ARHGAP39: variants seen among roughly 807,000 people sequenced by gnomAD.
ARHGAP39 encodes the protein rho GTPase-activating protein 39.
ARHGAP39 carries 44 observed loss-of-function variants against 106.9 expected under a neutral mutation model. The observed-to-expected ratio is 0.41, with a 90% CI of 0.32 to 0.53. The LOEUF is 0.53. ARHGAP39 is among the 20% of genes least tolerant of loss of function. ARHGAP39 has a pLI of 0.21. For synonymous variants in ARHGAP39, 768 were observed against 693.2 expected (o/e 1.11, Z -1.69); for missense variants, 1,496 against 1,577.3 (o/e 0.95, Z 0.87).
rs1360765520 is a variant in ARHGAP39, at chr8:144,645,257, G to A, written c.-81-39562C>T. On this transcript the variant is annotated intron_variant, in intron 1 of 11. Transcript: ENST00000377307. This position sits in a 1 kb window ranked among gnomAD's most constrained non-coding sequence, Gnocchi z 4.4. ...CGTGAAACTCAGGCTGGAAGCTCTG[G>A]GACACTACATGAACTGAAGGCACGA... 1.3e-5 allele frequency among the ~76,000 whole-genome samples: 2 copies of A among 152,340 alleles called. No homozygotes were observed. The highest frequency in any genetic ancestry group is 2.1e-4 in the South Asian group (1 of 4,830).
chr8:144,535,236 C>T (rs1242876328), intron 7 of ARHGAP39, among the ~76,000 whole-genome samples: 1 of 152,218 alleles, frequency 6.6e-6, no homozygotes, highest in Non-Finnish European at 1.5e-5. Flanking sequence ...AAAAAAAGTG[C>T]ACACGTGTCT....
intron 2 of ARHGAP39, among the ~76,000 whole-genome samples, chr8:144,598,287 G>A (rs1028009370): frequency 7.9e-5 from 12 of 152,184 alleles, no homozygotes; most frequent in African/African-American, 2.4e-4. Context: ...GGGGAAACTC[G>A]GAACCCAGCC....
chr8:144,619,436 GAGAC>G (rs1820726804), intron 1 of ARHGAP39, among the ~76,000 whole-genome samples: 1 of 152,054 alleles, frequency 6.6e-6, no homozygotes, highest in African/African-American at 2.4e-5. Flanking sequence ...GTGTGTCCCT[GAGAC>G]AGCAGGTATG....
At chr8:144,559,245 G>C (rs573298743) in intron 3 of ARHGAP39, among the ~76,000 whole-genome samples, 13 of 150,698 alleles carry the variant, frequency 8.6e-5, no homozygotes, top group African/African-American at 2.9e-4. Flanking sequence ...AGCCGGAAGG[G>C]TGACACATGC....
intron 1 of ARHGAP39, among the ~76,000 whole-genome samples, chr8:144,675,226 C>T (rs548168731): frequency 1.3e-4 from 20 of 152,318 alleles, no homozygotes; most frequent in African/African-American, 4.3e-4. Flanking sequence ...ATGTCTCCAG[C>T]TTCTTTCACT....
At position 144,671,879 on chromosome 8, in the gene ARHGAP39, G is replaced by A. The variant is rs1822109864; in HGVS notation, c.-82+13807C>T. Among the ~76,000 whole-genome samples the A allele has an allele frequency of 6.6e-6, 1 of 152,234 alleles. No homozygotes were observed. The highest frequency in any genetic ancestry group is 2.1e-4 in the South Asian group (1 of 4,828). On this transcript the variant is annotated intron_variant, in intron 1 of 11. Coordinates refer to ENST00000377307, the MANE Select transcript of ARHGAP39 (RefSeq NM_025251.3). The surrounding 1 kb of genome is among the most constrained non-coding windows in gnomAD (Gnocchi z 4.5). The stretch of plus-strand genomic sequence containing the variant: ...GCACATACAGGCAACAGTAAAGACA[G>A]GGGCGAGATGAGTGTGGGTGGGCCT...
chr8:144,545,376 C>T lies in ARHGAP39; in HGVS notation c.2394G>A (p.Leu798=), dbSNP rs764464947. 4 of 1,599,774 alleles carry T rather than the reference C, an allele frequency of 2.5e-6. No individual in the cohort carries two copies. Among genetic ancestry groups the T allele is most frequent in the East Asian group, 2.2e-5 (1 of 44,478 alleles). The part of the protein sequence containing the change: ...LCRQTTENFR[L]ESLARGWELM... Reference sequence around the variant, plus strand: ...GCTCCCAGCCGCGGGCCAGGCTCTCCAGGCGGAAGTTCTCGGTGGTCTGCC... The same window carrying T: ...GCTCCCAGCCGCGGGCCAGGCTCTCTAGGCGGAAGTTCTCGGTGGTCTGCC... Residue 798 remains leucine (L), a synonymous_variant, in exon 6 of 12, where the codon CTG becomes CTA. Transcript: ENST00000377307.
At chr8:144,535,302 T>C (rs1816909824) in intron 7 of ARHGAP39, among the ~76,000 whole-genome samples, 1 of 152,242 alleles carries the variant, frequency 6.6e-6, no homozygotes, top group East Asian at 1.9e-4. Context: ...AAGGAGACTC[T>C]TTTTTAGAGG....
the ARHGAP39 span, among the ~76,000 whole-genome samples, chr8:144,697,772 G>A: frequency 6.6e-6 from 1 of 152,152 alleles, no homozygotes; most frequent in African/African-American, 2.4e-5. Flanking sequence ...GATTACAGGT[G>A]TGGGCCACTG....
intron 3 of ARHGAP39, among the ~76,000 whole-genome samples, chr8:144,559,077 G>A (rs1034247059): frequency 5.9e-5 from 9 of 151,926 alleles, no homozygotes; most frequent in African/African-American, 2.2e-4. Context: ...GTGTGGTGGT[G>A]GGCACCTGTA....
At chr8:144,694,580 C>T in the ARHGAP39 span, among the ~76,000 whole-genome samples, 1 of 152,224 alleles carries the variant, frequency 6.6e-6, no homozygotes, top group Non-Finnish European at 1.5e-5. Flanking sequence ...CTGAGTTGTG[C>T]GGTAGTAACA....
At chr8:144,627,278 G>C (rs908701225) in intron 1 of ARHGAP39, among the ~76,000 whole-genome samples, 1 of 152,198 alleles carries the variant, frequency 6.6e-6, no homozygotes, top group Non-Finnish European at 1.5e-5. Context: ...TCCACTGGCC[G>C]GGCGCGGTGG....
chr8:144,638,205 A>G (rs551180999), intron 1 of ARHGAP39, among the ~76,000 whole-genome samples: 41 of 152,198 alleles, frequency 2.7e-4, no homozygotes, highest in Non-Finnish European at 4.8e-4. Context: ...TCTGCTGCTG[A>G]GAAGGCAGCC....
chr8:144,562,117 T>C (rs1818200751), intron 3 of ARHGAP39, among the ~76,000 whole-genome samples: 1 of 140,822 alleles, frequency 7.1e-6, no homozygotes, highest in Non-Finnish European at 1.5e-5. Flanking sequence ...CCATCGGACT[T>C]ACTCCAGTGG....
chr8:144,614,253 A>T (rs530905545), intron 1 of ARHGAP39, among the ~76,000 whole-genome samples: 1 of 151,280 alleles, frequency 6.6e-6, no homozygotes, highest in African/African-American at 2.4e-5. Flanking sequence ...TATGGGTTCT[A>T]TTTTCCTGTT....
intron 1 of ARHGAP39, among the ~76,000 whole-genome samples, chr8:144,639,807 G>A (rs1416550682): frequency 1.3e-5 from 2 of 152,158 alleles, no homozygotes; most frequent in East Asian, 3.9e-4. Flanking sequence ...AACAGTGAAA[G>A]CTTCACCTCG....
chr8:144,544,705 G>A lies in ARHGAP39; in HGVS notation c.2521+544C>T, dbSNP rs115761995. Among the ~76,000 whole-genome samples, 1,503 of 152,356 alleles carry A rather than the reference G, an allele frequency of 9.9e-3. 20 individuals are homozygous for A. The highest frequency in any genetic ancestry group is 0.034 in the African/African-American group (1,422 of 41,590). On this transcript the variant is annotated intron_variant, in intron 6 of 11. Coordinates refer to ENST00000377307, the MANE Select transcript of ARHGAP39 (RefSeq NM_025251.3). ...AGGCAGCCATCAGGATGTGATGATG[G>A]CTCCGACGTGCGACCCCATGGGGCA...
At chr8:144,619,380 G>A (rs1391851304) in intron 1 of ARHGAP39, among the ~76,000 whole-genome samples, 3 of 151,996 alleles carry the variant, frequency 2.0e-5, no homozygotes, top group Non-Finnish European at 2.9e-5. Context: ...GTGTCCCAGA[G>A]GGAGAGTGTG....
In ARHGAP39 at chr8:144,548,431, C is replaced by A; in HGVS notation, c.655G>T (p.Asp219Tyr). The A allele has an allele frequency of 6.2e-7, 1 of 1,610,914 alleles. No homozygotes were observed. The highest frequency in any genetic ancestry group is 1.1e-5 in the South Asian group (1 of 91,018). Reference sequence around the variant, plus strand: ...GCGGCGAGGAAGCTGGGCTCCCGATCAGCGACCTTGATGAGCATGCGCTCT... The same window carrying A: ...GCGGCGAGGAAGCTGGGCTCCCGATAAGCGACCTTGATGAGCATGCGCTCT... ...AKERMLIKVA[D>Y]REPSFLAAQG... Residue 219 changes from aspartate to tyrosine, a missense_variant, in exon 5 of 12, where the codon GAT (aspartate) becomes TAT (tyrosine). Coordinates refer to ENST00000377307, the MANE Select transcript of ARHGAP39 (RefSeq NM_025251.3). This position sits in a 1 kb window ranked among gnomAD's most constrained non-coding sequence, Gnocchi z 7.4.
Sources: gnomAD v4.1 joint callset for allele counts (sites outside exome capture counted in the v4.1 genomes callset) on GRCh38, gnomAD v4.1.1 for gene constraint, Gnocchi (gnomAD v3.1) non-coding constraint, MANE v1.5 for transcripts, NCBI Gene and HGNC (gene_info 2026-07-23, HGNC 2026-07-21) for gene names.